The following FILIP1 variants were observed in gnomAD, a reference collection of about 807,000 sequenced individuals.
FILIP1 encodes filamin A interacting protein 1.
A neutral mutation model predicts 102.1 loss-of-function variants in FILIP1; 61 were observed. That is an observed-to-expected ratio of 0.60 (90% CI 0.49 to 0.74). The LOEUF is 0.74. Ranked by LOEUF, FILIP1 falls within the 30% of genes least tolerant of loss-of-function variation. FILIP1 has a pLI of 0.00. For missense variants in FILIP1, 1,314 were observed against 1,441.2 expected, an observed-to-expected ratio of 0.91 and a Z score of 1.43; for synonymous variants, 491 against 526.9, an observed-to-expected ratio of 0.93 and a Z score of 0.93.
chr6:75,296,475 T>TTTTTTTTTTTTATTATTA (rs565379089), intron 6 of FILIP1: 1 of 140,396 alleles, frequency 7.1e-6, no homozygotes, highest in African/African-American at 2.6e-5. Context: ...ACTCTATATG[T>TTTTTTTTTTTTATTATTA]TTATTATTAT....
chr6:75,345,048 T>G (rs1457311737), intron 4 of FILIP1, among the ~76,000 whole-genome samples: 1 of 152,244 alleles, frequency 6.6e-6, no homozygotes, highest in East Asian at 1.9e-4. Flanking sequence ...CATATTTAAA[T>G]GTCAAATACT....
rs902577012 is a variant in FILIP1, at chr6:75,342,938, C to A, written c.629+10601G>T. Among the ~76,000 whole-genome samples the A allele has an allele frequency of 4.6e-5, 7 of 152,174 alleles. 1 individual carries two copies. The highest frequency in any genetic ancestry group is 4.6e-4 in the Admixed American group (7 of 15,272). On this transcript the variant is annotated intron_variant, in intron 4 of 5. Coordinates refer to ENST00000237172, the MANE Select transcript of FILIP1 (RefSeq NM_015687.5). ...TCTCCTGAATTCTTGGAGGGAGAAC[C>A]ACAAGTTTTGCCTTTCTCTTCGACA...
At position 75,393,995 on chromosome 6, in the gene FILIP1, CAGTAAGCCCTCTGCAGAGGG is replaced by C. The variant is rs1181247658; in HGVS notation, c.276+20682_276+20701del. Among the ~76,000 whole-genome samples the C allele has an allele frequency of 2.6e-5, 4 of 152,168 alleles. No homozygotes were observed. In the East Asian group the frequency reaches 7.7e-4, roughly 29 times the overall value. On this transcript the variant is annotated intron_variant, in intron 2 of 5. Transcript: ENST00000237172. The stretch of plus-strand genomic sequence containing the variant: ...CTTAGAGGTACTAGCAGAGGCTGGG[CAGTAAGCCCTCTGCAGAGGG>C]ATTCCTCCTCTATAGTCCTATGCAC...
chr6:75,354,311 G>A lies in FILIP1; in HGVS notation c.451-594C>T, dbSNP rs550003078. Reference sequence around the variant, plus strand: ...CTTTTAGCTGGGCGTGGTGGCTCACGCCTGTAATCCCAGCACGTGGGGAGG... The same window carrying A: ...CTTTTAGCTGGGCGTGGTGGCTCACACCTGTAATCCCAGCACGTGGGGAGG... On this transcript the variant is annotated intron_variant, in intron 3 of 5. Coordinates refer to ENST00000237172, the MANE Select transcript of FILIP1 (RefSeq NM_015687.5). 3.3e-5 allele frequency among the ~76,000 whole-genome samples: 5 copies of A among 152,280 alleles called. No individual in the cohort carries two copies. In the South Asian group the frequency reaches 8.3e-4, roughly 25 times the overall value.
rs1346046945 is a variant in FILIP1, at chr6:75,312,791, G to A, written c.3041C>T (p.Thr1014Ile). The change falls in exon 5 of 6, where the codon ACA (threonine) becomes ATA (isoleucine). Residue 1014 changes from threonine to isoleucine, a missense_variant. Coordinates refer to ENST00000237172, the MANE Select transcript of FILIP1 (RefSeq NM_015687.5). Reference sequence around the variant, plus strand: ...TGCAATCTCAGCTGGTGCTGCTGATGTAGACACCGTCATTATCTGAATAGG... The same window carrying A: ...TGCAATCTCAGCTGGTGCTGCTGATATAGACACCGTCATTATCTGAATAGG... ...TSPIQIMTVSTSAAPAEIAVS... is the reference protein window; with the variant it reads ...TSPIQIMTVSISAAPAEIAVS... The A allele has an allele frequency of 1.2e-6, 2 of 1,614,074 alleles. No homozygotes were observed. The highest frequency in any genetic ancestry group is 1.7e-6 in the Non-Finnish European group (2 of 1,180,040).
intron 1 of FILIP1, among the ~76,000 whole-genome samples, chr6:75,490,949 A>G (rs369155982): frequency 6.6e-6 from 1 of 152,132 alleles, no homozygotes; most frequent in Non-Finnish European, 1.5e-5. Context: ...AACATCCACA[A>G]TGTGCCTGCA....
At position 75,353,493 on chromosome 6, in the gene FILIP1, G is replaced by C. The variant is rs760553440; in HGVS notation, c.629+46C>G. ...CCTGAAGGGACGGGCAGACATGAAA[G>C]GGCTATGGGCATCCAGATGTGACTG... On this transcript the variant is annotated intron_variant, in intron 4 of 5. Transcript: ENST00000237172. 3.1e-6 allele frequency: 5 copies of C among 1,599,746 alleles called. No individual in the cohort carries two copies. In the East Asian group the frequency reaches 1.1e-4, roughly 36 times the overall value.
intron 2 of FILIP1, among the ~76,000 whole-genome samples, chr6:75,404,916 T>G (rs545169839): frequency 6.6e-6 from 1 of 152,362 alleles, no homozygotes; most frequent in South Asian, 2.1e-4. Flanking sequence ...GCTTTTTTCT[T>G]GTCCTGCAAC....
chr6:75,407,416 C>T (rs940849894), intron 2 of FILIP1, among the ~76,000 whole-genome samples: 11 of 152,080 alleles, frequency 7.2e-5, no homozygotes, highest in South Asian at 2.1e-4. Context: ...TTAGTAGAGA[C>T]GGGGTTTCAC....
chr6:75,310,061 C>T (rs1773126098), intron 5 of FILIP1, among the ~76,000 whole-genome samples: 1 of 152,214 alleles, frequency 6.6e-6, no homozygotes, highest in South Asian at 2.1e-4. Context: ...AATATCCAAC[C>T]CCAGTTTGCT....
At chr6:75,324,524 C>T (rs1773770277) in intron 4 of FILIP1, among the ~76,000 whole-genome samples, 1 of 152,094 alleles carries the variant, frequency 6.6e-6, no homozygotes, top group Admixed American at 6.5e-5. Context: ...CAAAGGCACT[C>T]TACAGATTCA....
At chr6:75,353,903 T>C (rs1774898803) in intron 3 of FILIP1, among the ~76,000 whole-genome samples, 186 bp from the exon 4 acceptor site, 1 of 152,232 alleles carries the variant, frequency 6.6e-6, no homozygotes, top group South Asian at 2.1e-4. Flanking sequence ...CCAACCATAA[T>C]AATGCTGCAG....
chr6:75,446,587 G>A (rs1473615632), intron 1 of FILIP1, among the ~76,000 whole-genome samples: 2 of 152,030 alleles, frequency 1.3e-5, no homozygotes, highest in African/African-American at 2.4e-5. Context: ...CGTTTACCTG[G>A]GTTCACACTC....
intron 4 of FILIP1, among the ~76,000 whole-genome samples, chr6:75,340,298 C>T (rs1213628012): frequency 1.3e-5 from 2 of 152,032 alleles, no homozygotes; most frequent in African/African-American, 2.4e-5. Context: ...TTTCTTCTGA[C>T]GCAAACCACA....
chr6:75,336,395 G>A (rs1275839069), intron 4 of FILIP1, among the ~76,000 whole-genome samples: 1 of 152,072 alleles, frequency 6.6e-6, no homozygotes, highest in African/African-American at 2.4e-5. Context: ...CTGATGCATA[G>A]TGGGCCCACA....
chr6:75,419,491 A>G (rs1777380985), intron 1 of FILIP1, among the ~76,000 whole-genome samples: 2 of 152,174 alleles, frequency 1.3e-5, no homozygotes, highest in African/African-American at 4.8e-5. Context: ...TTTTAAAATT[A>G]TAGAATTATG....
In FILIP1 at chr6:75,398,553, A is replaced by C. The variant is rs540582916; in HGVS notation, c.276+16144T>G. On this transcript the variant is annotated intron_variant, in intron 2 of 5. Coordinates refer to ENST00000237172, the MANE Select transcript of FILIP1 (RefSeq NM_015687.5). ...TAAGAAGGGGCCGTCTGTATCTATA[A>C]GTATTAGCCCAGTGACTTTCAAGAG... Among the ~76,000 whole-genome samples, 4 of 152,302 alleles carry C rather than the reference A, an allele frequency of 2.6e-5. No homozygotes were observed. In the South Asian group the frequency reaches 8.3e-4, roughly 32 times the overall value.
In FILIP1 at chr6:75,340,267, C is replaced by T. The variant is rs371604900; in HGVS notation, c.629+13272G>A. Reference sequence around the variant, plus strand: ...ATAGAATTTATCTGTCCTTTGGAAACTTAAAATGTAAATGCTAAATTTTCT... The same window carrying T: ...ATAGAATTTATCTGTCCTTTGGAAATTTAAAATGTAAATGCTAAATTTTCT... On this transcript the variant is annotated intron_variant, in intron 4 of 5. Transcript: ENST00000237172. 1.2e-3 allele frequency among the ~76,000 whole-genome samples: 189 copies of T among 152,112 alleles called. 3 individuals are homozygous for T. The South Asian group carries it at 0.018, about 14-fold the overall frequency.
At chr6:75,391,156 T>C (rs372444101) in intron 2 of FILIP1, among the ~76,000 whole-genome samples, 60 of 152,244 alleles carry the variant, frequency 3.9e-4, no homozygotes, top group African/African-American at 1.4e-3. Flanking sequence ...ATCTTCTAAT[T>C]GGCCTTCACC....
Sources: allele counts gnomAD v4.1 joint callset (sites outside exome capture counted in the v4.1 genomes callset), GRCh38; gene constraint gnomAD v4.1.1; transcripts MANE v1.5; gene names NCBI Gene and HGNC (gene_info 2026-07-23, HGNC 2026-07-21).